The following TBX5 variants were observed in gnomAD, a reference collection of about 807,000 sequenced individuals.
TBX5 encodes the protein T-box transcription factor 5, also known as T-box transcription factor TBX5.
A neutral mutation model predicts 51.1 loss-of-function variants in TBX5; 8 were observed. That is an observed-to-expected ratio of 0.16 (90% CI 0.09 to 0.28). TBX5 has a LOEUF of 0.28. Ranked by LOEUF, TBX5 falls within the 10% of genes least tolerant of loss-of-function variation. TBX5 has a pLI of 1.00. For missense variants in TBX5, 589 were observed against 671.7 expected (o/e 0.88, Z 1.36); for synonymous variants, 302 against 266.4 (o/e 1.13, Z -1.30).
intron 6 of TBX5, among the ~76,000 whole-genome samples, chr12:114,391,884 GA>G (rs925603399): frequency 6.6e-5 from 10 of 152,136 alleles, no homozygotes; most frequent in African/African-American, 2.4e-4. Context: ...ATTTGCTCCT[GA>G]AAAAGAAAAT....
At chr12:114,369,624 C>T (rs961572995) in intron 7 of TBX5, among the ~76,000 whole-genome samples, 1 of 152,200 alleles carries the variant, frequency 6.6e-6, no homozygotes, top group African/African-American at 2.4e-5. Context: ...AAGGAACGGT[C>T]AACCAAAGAG....
chr12:114,378,880 C>G (rs1435758226), intron 7 of TBX5, among the ~76,000 whole-genome samples: 1 of 152,188 alleles, frequency 6.6e-6, no homozygotes, highest in African/African-American at 2.4e-5. Flanking sequence ...TCTGAACCCA[C>G]CTGAGTGAGT....
At chr12:114,358,499 C>G (rs1869042276) in intron 8 of TBX5, among the ~76,000 whole-genome samples, 1 of 152,224 alleles carries the variant, frequency 6.6e-6, no homozygotes, top group Non-Finnish European at 1.5e-5. Context: ...TATCAATGTC[C>G]AAGTGACACC....
At chr12:114,366,528 G>C in intron 7 of TBX5, 137 bp from the exon 8 acceptor site, 1 of 820,354 alleles carries the variant, frequency 1.2e-6, no homozygotes, top group Non-Finnish European at 2.0e-6. Context: ...TGAATAAAAT[G>C]ATCCAGTTAT....
At position 114,355,460 on chromosome 12, in the gene TBX5, C is replaced by G. The variant is rs910529729; in HGVS notation, c.*72G>C. ...CGTGGGGTTCTCTTGGCTACTGTCT[C>G]TCTCCTTCTCTCTCTTTCTCCTCTC... On this transcript the variant is annotated 3_prime_UTR_variant, in exon 9 of 9. Coordinates refer to ENST00000405440, the MANE Select transcript of TBX5 (RefSeq NM_181486.4). 2.6e-6 allele frequency: 4 copies of G among 1,564,052 alleles called. No individual in the cohort carries two copies. The highest frequency in any genetic ancestry group is 3.5e-6 in the Non-Finnish European group (4 of 1,144,970).
rs1868885612 is a variant in TBX5 at position 114,355,986 on chromosome 12, T to C, written c.1103A>G (p.Tyr368Cys). ...YPQQQGLGAS[Y>C]RTESAQRQAC... ...TTGCCGCTGTGCCGACTCTGTCCTG[T>C]AGGAGGCACCCAGGCCCTGCTGCTG... The change falls in exon 9 of 9, where the codon TAC becomes TGC. Residue 368 changes from tyrosine to cysteine, a missense_variant. Transcript: ENST00000405440. 6.2e-7 allele frequency: 1 copy of C among 1,614,128 alleles called. No individual in the cohort carries two copies.
rs1459323954 is a variant in TBX5 at position 114,399,412 on chromosome 12, A to AC, written c.362+100dup. The AC allele has an allele frequency of 1.5e-4, 202 of 1,375,644 alleles. No individual in the cohort carries two copies. In the African/African-American group the frequency reaches 2.9e-3, roughly 20 times the overall value. 85.2% of individuals were successfully genotyped at this position (1,375,644 alleles called of 1,614,324 possible). A position where few individuals can be genotyped will look rare whatever the true frequency, so the allele number is the denominator to read the frequency against. The stretch of plus-strand genomic sequence containing the variant: ...CAGACGCCTTTAGCACACAGTAGGA[A>AC]CTAAAAAAAAAAAAAAAGTTCACTG... On this transcript the variant is annotated intron_variant, in intron 4 of 8. Transcript: ENST00000405440.
chr12:114,369,042 T>C (rs1869712925), intron 7 of TBX5, among the ~76,000 whole-genome samples: 1 of 152,096 alleles, frequency 6.6e-6, no homozygotes, highest in African/African-American at 2.4e-5. Flanking sequence ...AAAATTATAA[T>C]AACAATAAAA....
intron 2 of TBX5, among the ~76,000 whole-genome samples, chr12:114,402,797 G>A (rs1871909725): frequency 7.1e-6 from 1 of 140,522 alleles, no homozygotes; most frequent in East Asian, 2.4e-4. Flanking sequence ...CTAAAAAGTG[G>A]GTTTGCTTTT....
intron 8 of TBX5, among the ~76,000 whole-genome samples, chr12:114,356,541 G>T: frequency 6.6e-6 from 1 of 152,004 alleles, no homozygotes; most frequent in Admixed American, 6.5e-5. Flanking sequence ...ACCAGCCTGG[G>T]CAACATAGTG....
intron 7 of TBX5, among the ~76,000 whole-genome samples, chr12:114,381,616 C>T (rs2136393062): frequency 6.6e-6 from 1 of 152,260 alleles, no homozygotes; most frequent in East Asian, 1.9e-4. Flanking sequence ...AAAGTAGAGG[C>T]TATACTTATC....
intron 7 of TBX5, among the ~76,000 whole-genome samples, chr12:114,383,188 A>G (rs905470683): frequency 6.6e-6 from 1 of 152,026 alleles, no homozygotes; most frequent in Non-Finnish European, 1.5e-5. Context: ...GATTCCCAGG[A>G]GGGGTCCTGG....
At chr12:114,400,901 G>A (rs972035780) in intron 3 of TBX5, among the ~76,000 whole-genome samples, 27 of 152,290 alleles carry the variant, frequency 1.8e-4, no homozygotes, top group African/African-American at 6.5e-4. Context: ...GAACGGGGGC[G>A]GGGGGCGTCT....
intron 3 of TBX5, among the ~76,000 whole-genome samples, chr12:114,401,091 T>C (rs1871784934): frequency 6.6e-6 from 1 of 152,094 alleles, no homozygotes; most frequent in Non-Finnish European, 1.5e-5. Flanking sequence ...CGCGTGCACA[T>C]GCTCACACAC....
At chr12:114,394,967 C>T (rs191208848) in intron 5 of TBX5, 74 bp from the exon 6 acceptor site, 36 of 1,510,110 alleles carry the variant, frequency 2.4e-5, no homozygotes, top group African/African-American at 5.5e-5. Context: ...CCCTGCTCCC[C>T]GCCCTCTAAA....
Position 114,403,821 on chromosome 12 carries a change from C to G in TBX5, c.78G>C (p.Ser26=). 1 of 1,614,062 alleles carries G rather than the reference C, an allele frequency of 6.2e-7. No homozygotes were observed. Among genetic ancestry groups the G allele is most frequent in the Non-Finnish European group, 8.5e-7 (1 of 1,180,020 alleles). Residue 26 remains serine (S), a synonymous_variant, in exon 2 of 9, where the codon TCG becomes TCC. Transcript: ENST00000405440. ...EPDAKDLPCD[S]KPESALGAPS... is the part of the protein sequence containing the mutation. ...GGGCCCCGAGCGCGCTCTCGGGTTT[C>G]GAATCGCAGGGCAGGTCTTTTGCGT...
At chr12:114,404,917 C>A (rs1872103006) in intron 1 of TBX5, among the ~76,000 whole-genome samples, 1 of 152,240 alleles carries the variant, frequency 6.6e-6, no homozygotes, top group South Asian at 2.1e-4. Flanking sequence ...ATGCATAGAA[C>A]GGCCCGGGTT....
At chr12:114,395,693 G>A (rs1002944884) in intron 5 of TBX5, among the ~76,000 whole-genome samples, 4 of 152,094 alleles carry the variant, frequency 2.6e-5, no homozygotes, top group Non-Finnish European at 5.9e-5. Context: ...CAGACAGAAC[G>A]GCTACATCTG....
chr12:114,375,797 A>T (rs1593857141), intron 7 of TBX5, among the ~76,000 whole-genome samples: 1 of 152,300 alleles, frequency 6.6e-6, no homozygotes, highest in East Asian at 1.9e-4. Context: ...TCATCCCAGC[A>T]CTTTGGGAGG....
Sources: allele counts gnomAD v4.1 joint callset (sites outside exome capture counted in the v4.1 genomes callset), GRCh38; gene constraint gnomAD v4.1.1; transcripts MANE v1.5; gene names NCBI Gene and HGNC (gene_info 2026-07-23, HGNC 2026-07-21).